The following AUTS2 variants were observed in gnomAD, a reference collection of about 807,000 sequenced individuals.
AUTS2 encodes autism susceptibility gene 2 protein.
In AUTS2, 17 loss-of-function variants were observed where a neutral mutation model predicts 112.4. The ratio of observed to expected loss-of-function variants is 0.15; its 90% CI spans 0.10 to 0.23. AUTS2 has a LOEUF of 0.23. Ranked by LOEUF, AUTS2 falls within the 10% of genes least tolerant of loss-of-function variation. AUTS2 has a pLI of 1.00. For synonymous variants in AUTS2, 751 were observed against 702.7 expected, an observed-to-expected ratio of 1.07 and a Z score of -1.09; for missense variants, 1,510 against 1,701.6, an observed-to-expected ratio of 0.89 and a Z score of 1.98.
chr7:70,732,649 T>C (rs1311904133), intron 6 of AUTS2, among the ~76,000 whole-genome samples: 1 of 152,158 alleles, frequency 6.6e-6, no homozygotes, highest in Non-Finnish European at 1.5e-5. Flanking sequence ...TTAATCTTCT[T>C]CCTGATGAGT....
chr7:69,837,004 A>G lies in AUTS2; in HGVS notation c.310-62282A>G, dbSNP rs562858340. On this transcript the variant is annotated intron_variant, in intron 1 of 18. Coordinates refer to ENST00000342771, the MANE Select transcript of AUTS2 (RefSeq NM_015570.4). ...GTAACTGCTCGTTAGAGGGGACCCT[A>G]TAGAATTGATTACCTATAAGAGACC... 1.4e-4 allele frequency among the ~76,000 whole-genome samples: 21 copies of G among 152,256 alleles called. No homozygotes were observed. In the East Asian group the frequency reaches 4.1e-3, roughly 29 times the overall value.
Position 70,047,080 on chromosome 7 carries a change from T to C in AUTS2, c.523-71052T>C, listed in dbSNP as rs373931286. The stretch of plus-strand genomic sequence containing the variant: ...TGCAGTTCGGGGGTGATCTGTGATA[T>C]AAGTTTGTTATGGTGGAATTGATGT... On this transcript the variant is annotated intron_variant, in intron 2 of 18. Coordinates refer to ENST00000342771, the MANE Select transcript of AUTS2 (RefSeq NM_015570.4). 9.2e-5 allele frequency among the ~76,000 whole-genome samples: 14 copies of C among 152,310 alleles called. No homozygotes were observed. In the East Asian group the frequency reaches 1.9e-3, roughly 21 times the overall value.
At chr7:70,340,163 AACACACACAC>A (rs71077652) in intron 4 of AUTS2, among the ~76,000 whole-genome samples, 175 of 144,766 alleles carry the variant, frequency 1.2e-3, no homozygotes, top group South Asian at 6.5e-3. Flanking sequence ...TATGGAGAGA[AACACACACAC>A]ACACACACAC....
At chr7:70,067,476 A>G (rs1802548111) in intron 2 of AUTS2, among the ~76,000 whole-genome samples, 1 of 152,332 alleles carries the variant, frequency 6.6e-6, no homozygotes, top group East Asian at 1.9e-4. Context: ...ATGTTTGTCA[A>G]GATTCTTCAA....
intron 2 of AUTS2, among the ~76,000 whole-genome samples, chr7:69,929,627 A>C (rs1032963820): frequency 6.6e-6 from 1 of 151,990 alleles, no homozygotes; most frequent in Non-Finnish European, 1.5e-5. Context: ...TGCTATGTCA[A>C]ATCTGTTGTT....
chr7:70,400,751 C>T (rs1794291381), intron 4 of AUTS2, among the ~76,000 whole-genome samples: 1 of 152,138 alleles, frequency 6.6e-6, no homozygotes, highest in African/African-American at 2.4e-5. Flanking sequence ...GATTCTCAAA[C>T]CTTGACTGTA....
intron 5 of AUTS2, among the ~76,000 whole-genome samples, chr7:70,657,470 G>C (rs978120143): frequency 1.3e-5 from 2 of 152,182 alleles, no homozygotes; most frequent in Non-Finnish European, 2.9e-5. Context: ...AACAGAGAGA[G>C]AGCTGGGAAA....
chr7:70,265,327 G>A (rs1787365371), intron 4 of AUTS2, among the ~76,000 whole-genome samples: 1 of 152,152 alleles, frequency 6.6e-6, no homozygotes, highest in African/African-American at 2.4e-5. Flanking sequence ...GAGAGCAACT[G>A]TTGCTGGCTA....
chr7:69,961,368 G>C (rs1414264361), intron 2 of AUTS2, among the ~76,000 whole-genome samples: 1 of 151,974 alleles, frequency 6.6e-6, no homozygotes, highest in African/African-American at 2.4e-5. Context: ...GAGTGTTTTG[G>C]GTGAGTCCAT....
intron 4 of AUTS2, among the ~76,000 whole-genome samples, chr7:70,189,698 G>A (rs1338831559): frequency 1.3e-5 from 2 of 152,172 alleles, no homozygotes; most frequent in South Asian, 2.1e-4. Context: ...CTTAACAGTT[G>A]TTCAGTTTCT....
At chr7:70,602,829 T>C (rs956816605) in intron 5 of AUTS2, among the ~76,000 whole-genome samples, 2 of 152,232 alleles carry the variant, frequency 1.3e-5, no homozygotes, top group Non-Finnish European at 2.9e-5. Flanking sequence ...TTCTTTCGTC[T>C]GTTCGCCCTG....
At chr7:69,789,456 C>A (rs1287562945) in intron 1 of AUTS2, among the ~76,000 whole-genome samples, 2 of 152,160 alleles carry the variant, frequency 1.3e-5, no homozygotes, top group East Asian at 3.8e-4. Context: ...TGCTGATATT[C>A]CCTGTTATTA....
At chr7:70,662,403 C>G (rs557317344) in intron 5 of AUTS2, among the ~76,000 whole-genome samples, 10 of 152,322 alleles carry the variant, frequency 6.6e-5, no homozygotes, top group African/African-American at 2.4e-4. Flanking sequence ...ATCCTAATTA[C>G]TACCTGGGAA....
intron 5 of AUTS2, among the ~76,000 whole-genome samples, chr7:70,498,594 A>G (rs1441188284): frequency 5.9e-5 from 9 of 152,126 alleles, no homozygotes; most frequent in Non-Finnish European, 2.9e-5. Context: ...TGGTGGGCAG[A>G]AGGGTTCTTA....
At chr7:69,923,237 G>C (rs1361355447) in intron 2 of AUTS2, among the ~76,000 whole-genome samples, 1 of 152,154 alleles carries the variant, frequency 6.6e-6, no homozygotes, top group Admixed American at 6.5e-5. Context: ...TGAAAAAGCT[G>C]TCCATTCTCC....
chr7:70,346,140 A>G (rs1256015620), intron 4 of AUTS2, among the ~76,000 whole-genome samples: 2 of 152,184 alleles, frequency 1.3e-5, no homozygotes, highest in Non-Finnish European at 2.9e-5. Context: ...GTCTGGTACT[A>G]TGTCAGGTGG....
At chr7:69,728,680 C>CTT (rs5884765) in intron 1 of AUTS2, among the ~76,000 whole-genome samples, 2,615 of 128,644 alleles carry the variant, frequency 0.02, 85 homozygotes, top group African/African-American at 0.064. Flanking sequence ...TTGCTTGTGG[C>CTT]TTTTTTTTTT....
At chr7:70,046,387 C>G (rs1048739294) in intron 2 of AUTS2, among the ~76,000 whole-genome samples, 2 of 152,152 alleles carry the variant, frequency 1.3e-5, no homozygotes, top group African/African-American at 4.8e-5. Flanking sequence ...AAAGCACATG[C>G]TAGGATTCGC....
At chr7:70,753,040 T>G (rs1348169848) in intron 6 of AUTS2, among the ~76,000 whole-genome samples, 1 of 152,170 alleles carries the variant, frequency 6.6e-6, no homozygotes, top group East Asian at 1.9e-4. Flanking sequence ...TGATGTGTTT[T>G]GGTGTGGGGT....
Sources: allele counts gnomAD v4.1 joint callset (sites outside exome capture counted in the v4.1 genomes callset), GRCh38; gene constraint gnomAD v4.1.1; transcripts MANE v1.5; gene names NCBI Gene and HGNC (gene_info 2026-07-23, HGNC 2026-07-21).